The following INTS6 variants were observed in gnomAD, a reference collection of about 807,000 sequenced individuals.
INTS6 encodes integrator complex subunit 6, also known as DEAD box protein.
INTS6 carries 16 observed loss-of-function variants against 104.9 expected under a neutral mutation model. That is an observed-to-expected ratio of 0.15 (90% CI 0.10 to 0.23). The LOEUF (loss-of-function observed/expected upper bound fraction) is 0.23, where lower values mean the gene tolerates loss of function less well. Ranked by LOEUF, INTS6 falls within the 10% of genes least tolerant of loss-of-function variation. The probability of loss-of-function intolerance (pLI) is 1.00; values close to 1 mark genes in which losing one functional copy is unlikely to be tolerated. For missense variants in INTS6, 584 were observed against 1,062.8 expected, an observed-to-expected ratio of 0.55 and a Z score of 6.26; for synonymous variants, 324 against 358.7, an observed-to-expected ratio of 0.90 and a Z score of 1.09.
At chr13:51,450,240 CT>C (rs2138178216) in intron 3 of INTS6, 1 of 984,546 alleles carries the variant, frequency 1.0e-6, no homozygotes, top group South Asian at 4.7e-5. Context: ...TGTTCAGTAT[CT>C]TTTATTTCCA....
intron 7 of INTS6, chr13:51,384,293 C>T (rs1049617597): frequency 1.6e-5 from 3 of 187,694 alleles, no homozygotes; most frequent in Non-Finnish European, 3.3e-5. Flanking sequence ...AGGATACACA[C>T]CCTTATTTTA....
At chr13:51,382,190 G>A (rs1956063980) in intron 9 of INTS6, 67 bp from the exon 10 acceptor site, 1 of 908,698 alleles carries the variant, frequency 1.1e-6, no homozygotes, top group South Asian at 1.7e-5. Context: ...TCAAGTCAAA[G>A]ACGTTTCCTT....
At chr13:51,348,133 C>A in the INTS6 span, 1 of 1,108,798 alleles carries the variant, frequency 9.0e-7, no homozygotes, top group Non-Finnish European at 1.3e-6. Context: ...TCCTCTGAGC[C>A]AGCCTCTCTC....
chr13:51,404,752 C>A (rs977575148), intron 4 of INTS6, among the ~76,000 whole-genome samples: 1 of 152,040 alleles, frequency 6.6e-6, no homozygotes, highest in Non-Finnish European at 1.5e-5. Context: ...CTTTTCTTTA[C>A]CGTTTACTGC....
At chr13:51,380,163 T>C (rs933490379) in intron 10 of INTS6, among the ~76,000 whole-genome samples, 1 of 152,054 alleles carries the variant, frequency 6.6e-6, no homozygotes, top group Non-Finnish European at 1.5e-5. Context: ...ATTATTATCA[T>C]ATGCTGAGCT....
At position 51,428,945 on chromosome 13, in the gene INTS6, A is replaced by G. The variant is rs572984409; in HGVS notation, c.429+1349T>C. Among the ~76,000 whole-genome samples the G allele has an allele frequency of 7.9e-5, 12 of 152,324 alleles. No homozygotes were observed. The South Asian group carries it at 2.3e-3, about 29-fold the overall frequency. ...AGAATTATATCTCTTTAGTGGTTCC[A>G]ATGCCTCATGAAAGAATAATACTAT... On this transcript the variant is annotated intron_variant, in intron 4 of 17. Coordinates refer to ENST00000311234, the MANE Select transcript of INTS6 (RefSeq NM_012141.3).
At chr13:51,449,933 G>A (rs1264506888) in intron 3 of INTS6, 1 of 984,938 alleles carries the variant, frequency 1.0e-6, no homozygotes, top group African/African-American at 1.7e-5. Flanking sequence ...CATTTTAAAT[G>A]TTATAGAACT....
At chr13:51,373,195 G>T (rs752460883) in intron 15 of INTS6, among the ~76,000 whole-genome samples, 5 of 148,130 alleles carry the variant, frequency 3.4e-5, no homozygotes, top group Non-Finnish European at 7.4e-5. Flanking sequence ...TTCAATTTTG[G>T]TGTTTGGTTT....
chr13:51,435,078 T>C (rs1957161965), intron 3 of INTS6, among the ~76,000 whole-genome samples: 1 of 151,984 alleles, frequency 6.6e-6, no homozygotes, highest in African/African-American at 2.4e-5. Flanking sequence ...TCTGTCAATA[T>C]TCACCTTGGC....
chr13:51,372,637 T>C (rs1955833547), intron 15 of INTS6, among the ~76,000 whole-genome samples: 1 of 152,202 alleles, frequency 6.6e-6, no homozygotes, highest in Non-Finnish European at 1.5e-5. Flanking sequence ...TAATATGCAC[T>C]TCTAAACTAA....
intron 4 of INTS6, among the ~76,000 whole-genome samples, chr13:51,398,332 G>A (rs1956376369): frequency 6.6e-6 from 1 of 151,656 alleles, no homozygotes; most frequent in Non-Finnish European, 1.5e-5. Flanking sequence ...CATAAATGAA[G>A]AAAAATATAA....
At chr13:51,429,106 CAA>C (rs1957036626) in intron 4 of INTS6, among the ~76,000 whole-genome samples, 1 of 152,166 alleles carries the variant, frequency 6.6e-6, no homozygotes, top group Admixed American at 6.5e-5. Flanking sequence ...GTCACTGGTA[CAA>C]AGTTTACTGC....
chr13:51,374,938 A>T, intron 13 of INTS6, 142 bp from the exon 14 acceptor site: 1 of 774,162 alleles, frequency 1.3e-6, no homozygotes, highest in South Asian at 2.4e-5. Context: ...GTGCAATTAT[A>T]ACCACTGCGA....
downstream of INTS6, among the ~76,000 whole-genome samples, chr13:51,350,956 T>G (rs542853393): frequency 6.6e-6 from 1 of 152,330 alleles, no homozygotes; most frequent in East Asian, 1.9e-4. Flanking sequence ...TCAAGGTTCA[T>G]AGTAGCATGA....
chr13:51,367,420 T>C (rs1448474346), intron 17 of INTS6, among the ~76,000 whole-genome samples: 1 of 152,010 alleles, frequency 6.6e-6, no homozygotes. Context: ...GTCTCCTTAA[T>C]TACGTTTTCC....
At chr13:51,380,197 T>C (rs1436807628) in intron 10 of INTS6, among the ~76,000 whole-genome samples, 1 of 152,074 alleles carries the variant, frequency 6.6e-6, no homozygotes. Context: ...GAAGGAAACA[T>C]AAGCAGGAGG....
intron 7 of INTS6, among the ~76,000 whole-genome samples, chr13:51,386,273 G>A (rs1956139987): frequency 1.3e-5 from 2 of 152,140 alleles, no homozygotes; most frequent in Middle Eastern, 3.4e-3. Context: ...TTACAACTCA[G>A]GTACTGTATG....
At chr13:51,372,698 G>A (rs1888599200) in intron 15 of INTS6, among the ~76,000 whole-genome samples, 3 of 152,006 alleles carry the variant, frequency 2.0e-5, no homozygotes, top group Admixed American at 1.3e-4. Context: ...CAAGACATAC[G>A]TCTGACTCCT....
At chr13:51,394,197 G>C (rs1956293966) in intron 5 of INTS6, among the ~76,000 whole-genome samples, 1 of 152,010 alleles carries the variant, frequency 6.6e-6, no homozygotes, top group Non-Finnish European at 1.5e-5. Context: ...GTAGATGACA[G>C]GTTATCCCTA....
Sources: gnomAD v4.1 joint callset for allele counts (sites outside exome capture counted in the v4.1 genomes callset) on GRCh38, gnomAD v4.1.1 for gene constraint, MANE v1.5 for transcripts, NCBI Gene and HGNC (gene_info 2026-07-23, HGNC 2026-07-21) for gene names.